The following WDR49 variants were observed in gnomAD, a reference collection of about 807,000 sequenced individuals.
WDR49 encodes the protein cilia- and flagella-associated protein 337.
In WDR49, 107 loss-of-function variants were observed where a neutral mutation model predicts 119.5. The ratio of observed to expected loss-of-function variants is 0.90; its 90% confidence interval spans 0.77 to 1.05. The LOEUF is 1.05. Among genes scored for constraint, WDR49 ranks in the 50% least tolerant of loss-of-function variants. The pLI, the probability that WDR49 is intolerant of heterozygous loss-of-function variation, is 0.00. For synonymous variants in WDR49, 425 were observed against 418.8 expected, an observed-to-expected ratio of 1.01 and a Z score of -0.18; for missense variants, 1,240 against 1,220.5, an observed-to-expected ratio of 1.02 and a Z score of -0.24.
chr3:167,576,089 G>A lies in WDR49; in HGVS notation c.1338C>T (p.Pro446=). The A allele has an allele frequency of 6.2e-7, 1 of 1,614,054 alleles. No homozygotes were observed. The highest frequency in any genetic ancestry group is 1.6e-4 in the Middle Eastern group (1 of 6,062). Residue 446 remains proline, a synonymous_variant, in exon 8 of 19, where the codon CCC becomes CCT. Transcript: ENST00000682715. ...AGAGACATCTGAAGTCCTGACTTTT[G>A]GGGAAAGAACAAGCTATCCTCTGGA... The part of the protein sequence containing the change: ...LSIQRIACSF[P]KSQDFRCLFH...
chr3:167,553,030 C>CT (rs1189263261), intron 10 of WDR49, among the ~76,000 whole-genome samples: 2 of 152,060 alleles, frequency 1.3e-5, no homozygotes, highest in African/African-American at 2.4e-5. Context: ...GTCCATCCTC[C>CT]TGTAACTATA....
intron 10 of WDR49, among the ~76,000 whole-genome samples, chr3:167,544,538 C>A (rs1712047328): frequency 2.0e-5 from 3 of 151,914 alleles, no homozygotes; most frequent in Admixed American, 2.0e-4. Flanking sequence ...AGAAATAAAA[C>A]CAAATACTTA....
chr3:167,586,688 T>C, intron 7 of WDR49, among the ~76,000 whole-genome samples: 1 of 152,214 alleles, frequency 6.6e-6, no homozygotes, highest in East Asian at 1.9e-4. Context: ...TTGTTGTTTG[T>C]TGTAAAGACG....
intron 11 of WDR49, among the ~76,000 whole-genome samples, chr3:167,534,615 T>A (rs1041943934): frequency 6.6e-6 from 1 of 152,178 alleles, no homozygotes; most frequent in South Asian, 2.1e-4. Flanking sequence ...ATACCCTGGA[T>A]CTTTTCCTGT....
At chr3:167,631,123 G>A (rs1326018542) in intron 2 of WDR49, among the ~76,000 whole-genome samples, 1 of 151,966 alleles carries the variant, frequency 6.6e-6, no homozygotes, top group Non-Finnish European at 1.5e-5. Context: ...TCAGGGGGTG[G>A]GGAGCTGGGG....
At chr3:167,633,279 T>C in intron 2 of WDR49, 2 of 364,792 alleles carry the variant, frequency 5.5e-6, no homozygotes, top group South Asian at 4.2e-5. Flanking sequence ...TCTATGACTA[T>C]TACCATCATA....
chr3:167,537,761 G>A (rs917939400), intron 10 of WDR49, among the ~76,000 whole-genome samples: 6 of 152,100 alleles, frequency 3.9e-5, no homozygotes, highest in East Asian at 1.9e-4. Flanking sequence ...TTGATGATCC[G>A]AGCTCTGGCC....
At position 167,653,381 on chromosome 3, in the gene WDR49, C is replaced by T. The variant is rs1718482505; in HGVS notation, c.45G>A (p.Gln15=). 4 of 1,534,512 alleles carry T rather than the reference C, an allele frequency of 2.6e-6. No homozygotes were observed. The highest frequency in any genetic ancestry group is 1.7e-6 in the Non-Finnish European group (2 of 1,146,622). ...TTCTCTCAGGACTCTTTGGCCCAAG[C>T]TGTGACCCTATGTTTAACTCAAGTA... ...KAVLELNIGS[Q]LGPKSPERTE... The change falls in exon 2 of 19, where the codon CAG becomes CAA. Residue 15 remains glutamine (Q), a synonymous_variant. Transcript: ENST00000682715.
chr3:167,569,581 C>T (rs901335536), intron 8 of WDR49, among the ~76,000 whole-genome samples: 1 of 151,014 alleles, frequency 6.6e-6, no homozygotes, highest in Non-Finnish European at 1.5e-5. Flanking sequence ...CCTGTAATCC[C>T]AGCTACTCAG....
Position 167,653,450 on chromosome 3 carries a change from C to T in WDR49, c.-25G>A, listed in dbSNP as rs745393221. ...TAATGGCTTCACCTTTTCTCAGTTGCCTTCAACTATTTCTATAAGGATGGA... is the reference window on the plus strand; with the variant it reads ...TAATGGCTTCACCTTTTCTCAGTTGTCTTCAACTATTTCTATAAGGATGGA... On this transcript the variant is annotated 5_prime_UTR_variant, in exon 2 of 19. Transcript: ENST00000682715. The T allele has an allele frequency of 3.0e-4, 435 of 1,462,330 alleles. No individual in the cohort carries two copies. The highest frequency in any genetic ancestry group is 7.9e-4 in the East Asian group (31 of 39,278). The allele number at this position is 1,462,330 out of a possible 1,614,324, so 90.6% of individuals were successfully genotyped here.
chr3:167,570,457 A>G (rs1170372108), intron 8 of WDR49, among the ~76,000 whole-genome samples: 2 of 152,336 alleles, frequency 1.3e-5, no homozygotes, highest in Non-Finnish European at 2.9e-5. Flanking sequence ...CATTTTTTAA[A>G]TAATGGAAGG....
At chr3:167,633,516 A>G (rs551531224) in intron 2 of WDR49, 3 of 455,528 alleles carry the variant, frequency 6.6e-6, no homozygotes, top group Non-Finnish European at 1.3e-5. Context: ...CTGCTCTGTG[A>G]GCCAAATATC....
intron 16 of WDR49, among the ~76,000 whole-genome samples, chr3:167,516,643 T>G (rs1752218510): frequency 6.6e-6 from 1 of 152,174 alleles, no homozygotes; most frequent in African/African-American, 2.4e-5. Flanking sequence ...TCAAATGGTA[T>G]TTCTAGTTCT....
intron 7 of WDR49, among the ~76,000 whole-genome samples, chr3:167,585,377 G>A (rs1341004147): frequency 1.1e-4 from 16 of 146,598 alleles, no homozygotes; most frequent in African/African-American, 3.9e-4. Flanking sequence ...AACCTAAGAG[G>A]TCTTAAAAGG....
intron 15 of WDR49, among the ~76,000 whole-genome samples, chr3:167,527,172 T>C (rs2108237839): frequency 6.6e-6 from 1 of 152,248 alleles, no homozygotes; most frequent in East Asian, 1.9e-4. Context: ...AACAAAACTC[T>C]ACCACGATTA....
chr3:167,489,004 C>T (rs149362524), intron 18 of WDR49, among the ~76,000 whole-genome samples: 138 of 152,212 alleles, frequency 9.1e-4, no homozygotes, highest in African/African-American at 3.3e-3. Context: ...GAGAGACCTT[C>T]ACTGATGTTC....
At chr3:167,544,394 A>G (rs1431211868) in intron 10 of WDR49, among the ~76,000 whole-genome samples, 1 of 152,124 alleles carries the variant, frequency 6.6e-6, no homozygotes, top group Non-Finnish European at 1.5e-5. Flanking sequence ...TGGAAGCATC[A>G]CATTACTTTA....
intron 7 of WDR49, among the ~76,000 whole-genome samples, chr3:167,597,450 G>T (rs1715538598): frequency 6.6e-6 from 1 of 152,190 alleles, no homozygotes; most frequent in African/African-American, 2.4e-5. Flanking sequence ...GGGGAAATGT[G>T]GGGTTAGAGC....
intron 7 of WDR49, among the ~76,000 whole-genome samples, chr3:167,591,559 T>C (rs74350889): frequency 0.023 from 3,438 of 152,240 alleles, 122 homozygotes; most frequent in African/African-American, 0.079. Flanking sequence ...TCTAATAAAA[T>C]TTGCTTTATA....
Sources: allele counts gnomAD v4.1 joint callset (sites outside exome capture counted in the v4.1 genomes callset), GRCh38; gene constraint gnomAD v4.1.1; transcripts MANE v1.5; gene names NCBI Gene and HGNC (gene_info 2026-07-23, HGNC 2026-07-21).